The following ADAMTSL1 variants were observed in gnomAD, a reference collection of about 807,000 sequenced individuals.
ADAMTSL1 encodes the protein ADAMTS like 1, also known as ADAMTS-like protein 1.
Under a neutral mutation model 201.8 loss-of-function variants are expected in ADAMTSL1, and 126 were observed. The ratio of observed to expected loss-of-function variants is 0.62; its 90% confidence interval spans 0.54 to 0.72. The LOEUF is 0.72. Among genes scored for constraint, ADAMTSL1 ranks in the 30% least tolerant of loss-of-function variants. ADAMTSL1 has a pLI of 0.00. For missense variants in ADAMTSL1, 2,679 were observed against 2,277.8 expected, an observed-to-expected ratio of 1.18 and a Z score of -3.59; for synonymous variants, 1,121 against 903.4, an observed-to-expected ratio of 1.24 and a Z score of -4.32.
intron 2 of ADAMTSL1, among the ~76,000 whole-genome samples, chr9:18,447,239 C>T (rs533256377): frequency 2.4e-4 from 37 of 152,188 alleles, no homozygotes; most frequent in African/African-American, 8.7e-4. Flanking sequence ...TCAAGGGCTC[C>T]GTGAGAAAAA....
At chr9:18,813,249 C>T (rs1005882857) in intron 20 of ADAMTSL1, among the ~76,000 whole-genome samples, 5 of 152,200 alleles carry the variant, frequency 3.3e-5, no homozygotes, top group African/African-American at 1.2e-4. Flanking sequence ...CAGGCATGAG[C>T]CACCACACCC....
chr9:18,823,420 A>AG (rs1350002766), intron 21 of ADAMTSL1, among the ~76,000 whole-genome samples: 3 of 152,286 alleles, frequency 2.0e-5, no homozygotes, highest in African/African-American at 7.2e-5. Flanking sequence ...GCACAATTTT[A>AG]GAACGGCATG....
At chr9:18,477,456 C>T (rs960819976) in intron 1 of ADAMTSL1, among the ~76,000 whole-genome samples, 3 of 152,212 alleles carry the variant, frequency 2.0e-5, no homozygotes, top group Non-Finnish European at 2.9e-5. Flanking sequence ...CTGGCACTCT[C>T]TCCCACTATT....
At chr9:18,827,036 C>T (rs718452) in intron 22 of ADAMTSL1, among the ~76,000 whole-genome samples, 112,383 of 151,892 alleles carry the variant, frequency 0.74, 41,725 homozygotes, top group Non-Finnish European at 0.77. Context: ...GGGACACCAT[C>T]CACCATCTGA....
intron 1 of ADAMTSL1, among the ~76,000 whole-genome samples, chr9:18,097,450 G>A (rs573273474): frequency 6.6e-6 from 1 of 152,240 alleles, no homozygotes; most frequent in Non-Finnish European, 1.5e-5. Flanking sequence ...GAATTTCTGG[G>A]TCATATGGTA....
At chr9:18,116,629 A>T (rs1587086890) in intron 1 of ADAMTSL1, among the ~76,000 whole-genome samples, 3 of 152,354 alleles carry the variant, frequency 2.0e-5, no homozygotes, top group Admixed American at 2.0e-4. Context: ...CATTTTATGT[A>T]GCAGATGTCT....
intron 2 of ADAMTSL1, among the ~76,000 whole-genome samples, chr9:18,397,463 C>T (rs1817801676): frequency 6.6e-6 from 1 of 151,944 alleles, no homozygotes; most frequent in South Asian, 2.1e-4. Flanking sequence ...AATAGACTTG[C>T]AATTAAGAGG....
intron 23 of ADAMTSL1, among the ~76,000 whole-genome samples, chr9:18,841,092 A>G (rs1825687062): frequency 6.7e-6 from 1 of 150,192 alleles, no homozygotes; most frequent in Non-Finnish European, 1.5e-5. Context: ...GAGTGGTGAG[A>G]GAGGGCATCC....
intron 1 of ADAMTSL1, among the ~76,000 whole-genome samples, chr9:18,163,256 C>G (rs1383625984): frequency 6.6e-6 from 1 of 151,948 alleles, no homozygotes; most frequent in African/African-American, 2.4e-5. Flanking sequence ...TAAAATGTGG[C>G]TGATAACAGA....
At chr9:18,536,407 G>C (rs1411723826) in intron 3 of ADAMTSL1, among the ~76,000 whole-genome samples, 1 of 150,222 alleles carries the variant, frequency 6.7e-6, no homozygotes, top group East Asian at 2.0e-4. Flanking sequence ...ATTCCCCAGG[G>C]TAATATGAGG....
At chr9:18,176,851 T>C (rs1828186107) in intron 2 of ADAMTSL1, among the ~76,000 whole-genome samples, 1 of 152,236 alleles carries the variant, frequency 6.6e-6, no homozygotes, top group Non-Finnish European at 1.5e-5. Context: ...TACAGTATCA[T>C]TAATTCAGGA....
chr9:18,178,149 G>T (rs993238028), intron 2 of ADAMTSL1, among the ~76,000 whole-genome samples: 1 of 152,210 alleles, frequency 6.6e-6, no homozygotes, highest in Non-Finnish European at 1.5e-5. Flanking sequence ...CAGACAGTGG[G>T]CGCAGGTCAG....
chr9:18,201,043 A>G (rs919671127), intron 2 of ADAMTSL1, among the ~76,000 whole-genome samples: 37 of 152,072 alleles, frequency 2.4e-4, no homozygotes, highest in African/African-American at 8.9e-4. Context: ...GAAATATTCA[A>G]TCTGGAAAAA....
intron 1 of ADAMTSL1, among the ~76,000 whole-genome samples, chr9:18,119,248 A>G (rs1433549170): frequency 6.6e-6 from 1 of 152,024 alleles, no homozygotes; most frequent in Non-Finnish European, 1.5e-5. Context: ...AGACATTGTG[A>G]TTTCTACCTA....
intron 6 of ADAMTSL1, among the ~76,000 whole-genome samples, chr9:18,637,548 C>T (rs938454514): frequency 6.6e-6 from 1 of 152,088 alleles, no homozygotes; most frequent in African/African-American, 2.4e-5. Flanking sequence ...GAAGAATTGG[C>T]CTTGTGTGAT....
intron 2 of ADAMTSL1, among the ~76,000 whole-genome samples, chr9:18,197,851 C>T (rs2132259314): frequency 6.6e-6 from 1 of 152,138 alleles, no homozygotes; most frequent in Non-Finnish European, 1.5e-5. Context: ...TACCTGACTT[C>T]AAACTATACT....
chr9:18,080,550 A>T (rs1479007795), intron 1 of ADAMTSL1, among the ~76,000 whole-genome samples: 2 of 152,216 alleles, frequency 1.3e-5, no homozygotes, highest in Non-Finnish European at 2.9e-5. Flanking sequence ...GTCTCTACAA[A>T]AAACTGGCTC....
intron 2 of ADAMTSL1, among the ~76,000 whole-genome samples, chr9:18,333,193 G>A (rs144316419): frequency 2.3e-3 from 355 of 152,178 alleles, no homozygotes; most frequent in African/African-American, 7.8e-3. Flanking sequence ...GATATGGTTT[G>A]GCTGTGTCCC....
At position 18,316,864 on chromosome 9, in the gene ADAMTSL1, C is replaced by T. The variant is rs576637230; in HGVS notation, c.207+152883C>T. Among the ~76,000 whole-genome samples the T allele has an allele frequency of 1.6e-4, 25 of 152,238 alleles. 1 individual carries two copies. In the South Asian group the frequency reaches 3.8e-3, roughly 23 times the overall value. Reference sequence around the variant, plus strand: ...CTGCCATGGCTTCAGCCAGTCCCTCCGTTTGGGGTCCCTGACTTCCCGCAA... The same window carrying T: ...CTGCCATGGCTTCAGCCAGTCCCTCTGTTTGGGGTCCCTGACTTCCCGCAA... On this transcript the variant is annotated intron_variant, in intron 2 of 29. Coordinates refer to the ADAMTSL1 transcript ENST00000680146.
Sources: gnomAD v4.1 joint callset for allele counts (sites outside exome capture counted in the v4.1 genomes callset) on GRCh38, gnomAD v4.1.1 for gene constraint, MANE v1.5 for transcripts, NCBI Gene and HGNC (gene_info 2026-07-23, HGNC 2026-07-21) for gene names.